ESCO2: variants seen among roughly 807,000 people sequenced by gnomAD.
The protein encoded by ESCO2 is N-acetyltransferase ESCO2.
Under a neutral mutation model 61.7 loss-of-function variants are expected in ESCO2, and 51 were observed. The observed-to-expected ratio is 0.83, with a 90% confidence interval of 0.66 to 1.04. The LOEUF (loss-of-function observed/expected upper bound fraction) is 1.04. Ranked by LOEUF, ESCO2 falls within the 50% of genes least tolerant of loss-of-function variation. ESCO2 has a pLI of 0.00. For missense variants in ESCO2, 692 were observed against 686.2 expected, an observed-to-expected ratio of 1.01 and a Z score of -0.09; for synonymous variants, 230 against 238.2, an observed-to-expected ratio of 0.97 and a Z score of 0.32.
downstream of ESCO2, among the ~76,000 whole-genome samples, chr8:27,813,912 T>C (rs1023559836): frequency 2.7e-5 from 4 of 149,998 alleles, no homozygotes; most frequent in African/African-American, 9.9e-5. Flanking sequence ...ATGATTTTTT[T>C]TTCTTATCAG....
downstream of ESCO2, chr8:27,805,454 T>G (rs1242346372): frequency 1.3e-5 from 2 of 152,270 alleles, no homozygotes; most frequent in African/African-American, 2.4e-5. Context: ...TATTTCTATT[T>G]TAAATATTTA....
In ESCO2 at chr8:27,780,180, T is replaced by A; in HGVS notation, c.868T>A (p.Ser290Thr). Residue 290 changes from serine to threonine, a missense_variant, in exon 4 of 11, where the codon TCA becomes ACA. By Grantham distance (58) the Ser-to-Thr change is moderately conservative. Transcript: ENST00000305188. ...TTTTTAAACCTATTTTCAGGATTCA[T>A]CAGATGACAGAGTTTCTTCAAAGGA... ...KNKEKLIKDS[S>T]DDRVSSKEHK... 1 of 1,599,300 alleles carries A rather than the reference T, an allele frequency of 6.3e-7. No homozygotes were observed. The highest frequency in any genetic ancestry group is 8.6e-7 in the Non-Finnish European group (1 of 1,168,062).
Position 27,776,444 on chromosome 8 carries a change from A to C in ESCO2, c.136A>C (p.Asn46His). ...TCAAAACAGTGATAAAAATGAAGAA[A>C]ACCTGCATTGCTCTCAACAAGAGCA... ...FYQNSDKNEE[N>H]LHCSQQEHFV... Residue 46 changes from asparagine to histidine, a missense_variant, in exon 3 of 11, where the codon AAC becomes CAC. Asn to His is a moderately conservative substitution (Grantham distance 68). Transcript: ENST00000305188. The C allele has an allele frequency of 6.2e-7, 1 of 1,607,828 alleles. No homozygotes were observed. The highest frequency in any genetic ancestry group is 8.5e-7 in the Non-Finnish European group (1 of 1,178,320).
chr8:27,793,408 AC>A (rs1805222551), intron 9 of ESCO2, among the ~76,000 whole-genome samples: 1 of 151,844 alleles, frequency 6.6e-6, no homozygotes, highest in Non-Finnish European at 1.5e-5. Flanking sequence ...ATATAGCTAT[AC>A]CTCACATACT....
At chr8:27,789,550 T>G (rs751048112) in intron 7 of ESCO2, among the ~76,000 whole-genome samples, 7 of 151,932 alleles carry the variant, frequency 4.6e-5, no homozygotes, top group Non-Finnish European at 1.0e-4. Context: ...GAGGCCGAGG[T>G]GGGTGGATCA....
chr8:27,802,649 A>G (rs1289648759), intron 10 of ESCO2, among the ~76,000 whole-genome samples: 2 of 73,100 alleles, frequency 2.7e-5, no homozygotes, highest in Non-Finnish European at 5.2e-5. Context: ...ATATATATAT[A>G]TATATATTAT....
chr8:27,805,865 T>G (rs1805553406), downstream of ESCO2, among the ~76,000 whole-genome samples: 1 of 152,096 alleles, frequency 6.6e-6, no homozygotes, highest in Non-Finnish European at 1.5e-5. Context: ...GCTCCTGAGC[T>G]GAAGTGATCC....
chr8:27,816,359 T>TATA (rs1563489324), downstream of ESCO2, among the ~76,000 whole-genome samples: 1,073 of 126,648 alleles, frequency 8.5e-3, 26 homozygotes, highest in African/African-American at 0.031. Context: ...ATATATATAT[T>TATA]TATTTATTTA....
At chr8:27,782,322 C>T (rs768070498) in intron 4 of ESCO2, among the ~76,000 whole-genome samples, 2 of 152,102 alleles carry the variant, frequency 1.3e-5, no homozygotes, top group Non-Finnish European at 2.9e-5. Flanking sequence ...AGTGCAATGG[C>T]GTAATCTCAG....
chr8:27,788,871 G>A lies in ESCO2; in HGVS notation c.1156G>A (p.Ala386Thr), dbSNP rs764463847. Residue 386 changes from alanine (A) to threonine (T), a missense_variant, in exon 7 of 11, where the codon GCT becomes ACT. By Grantham distance (58) the Ala-to-Thr change is moderately conservative. Transcript: ENST00000305188. ...GGACGCTGGTCAGAAACATTTTGGG[G>A]CTACTGTGTGCAAGTCTTGTGGTAT... Reference protein sequence around the residue: ...IIDAGQKHFGATVCKSCGMIY... With the variant: ...IIDAGQKHFGTTVCKSCGMIY... 3.1e-6 allele frequency: 5 copies of A among 1,614,064 alleles called. No homozygotes were observed. Among genetic ancestry groups the A allele is most frequent in the South Asian group, 2.2e-5 (2 of 91,072 alleles).
intron 9 of ESCO2, among the ~76,000 whole-genome samples, chr8:27,796,722 A>G (rs765759598): frequency 7.6e-4 from 115 of 152,312 alleles, no homozygotes; most frequent in Non-Finnish European, 1.3e-3. Context: ...TTATACTGCT[A>G]TGAATGTTCT....
rs750410554 is a variant in ESCO2, at chr8:27,776,661, C to T, written c.353C>T (p.Ser118Phe). 2 of 1,613,842 alleles carry T rather than the reference C, an allele frequency of 1.2e-6. No individual in the cohort carries two copies. The highest frequency in any genetic ancestry group is 4.5e-5 in the East Asian group (2 of 44,872). ...CTAAAAACTAATGATGAAGATAAAT[C>T]TTTTCCCATTGTGACAGAAAAAATG... ...TCLKTNDEDKSFPIVTEKMQG... is the reference protein window; with the variant it reads ...TCLKTNDEDKFFPIVTEKMQG... The change falls in exon 3 of 11, where the codon TCT (serine) becomes TTT (phenylalanine). Residue 118 changes from serine to phenylalanine, a missense_variant. Ser to Phe is a radical substitution (Grantham distance 155). Transcript: ENST00000305188.
At chr8:27,799,180 A>G (rs1408445777) in intron 9 of ESCO2, among the ~76,000 whole-genome samples, 1 of 152,222 alleles carries the variant, frequency 6.6e-6, no homozygotes, top group Non-Finnish European at 1.5e-5. Context: ...CATAGTTAAT[A>G]GATATAAATC....
intron 7 of ESCO2, 71 bp from the exon 8 acceptor site, chr8:27,791,892 C>G: frequency 2.3e-6 from 3 of 1,316,824 alleles, no homozygotes; most frequent in Non-Finnish European, 3.3e-6. Context: ...TTCTCCACAT[C>G]AAATTATTTA....
Position 27,799,577 on chromosome 8 carries a change from T to A in ESCO2, c.1534T>A (p.Ser512Thr), listed in dbSNP as rs1361026821. The change falls in exon 10 of 11, where the codon TCC becomes ACC. Residue 512 changes from serine to threonine, a missense_variant. By Grantham distance (58) the Ser-to-Thr change is moderately conservative. Coordinates refer to ENST00000305188, the MANE Select transcript of ESCO2 (RefSeq NM_001017420.3). ...CCTGTCTGAACCAATTGGTCCAGAA[T>A]CCCCAAGCTCTACGGAATGTCCTAG... Reference protein sequence around the residue: ...RVLSEPIGPESPSSTECPRAW... With the variant: ...RVLSEPIGPETPSSTECPRAW... 1 of 1,614,066 alleles carries A rather than the reference T, an allele frequency of 6.2e-7. No individual in the cohort carries two copies. Among genetic ancestry groups the A allele is most frequent in the Non-Finnish European group, 8.5e-7 (1 of 1,180,002 alleles).
At chr8:27,810,063 G>C (rs527530104), downstream of ESCO2, 15 of 464,514 alleles carry the variant, frequency 3.2e-5, no homozygotes, top group South Asian at 4.1e-4. Flanking sequence ...AAGTCAGCAT[G>C]AGCAGTATCA....
chr8:27,789,089 T>C (rs972616059), intron 7 of ESCO2, 111 bp downstream of exon 7: 16 of 1,344,384 alleles, frequency 1.2e-5, no homozygotes, highest in Non-Finnish European at 1.7e-5. Context: ...AATGATGATG[T>C]TTCAAGCTTA....
chr8:27,800,126 G>A (rs2128957794), intron 10 of ESCO2, among the ~76,000 whole-genome samples: 1 of 152,260 alleles, frequency 6.6e-6, no homozygotes, highest in South Asian at 2.1e-4. Flanking sequence ...TACAGAAGCT[G>A]TACATGGTCA....
intron 9 of ESCO2, among the ~76,000 whole-genome samples, chr8:27,793,720 C>CAG: frequency 6.6e-6 from 1 of 152,036 alleles, no homozygotes; most frequent in East Asian, 1.9e-4. Flanking sequence ...CTCCTGACCT[C>CAG]CTGATCCACC....
Sources: allele counts gnomAD v4.1 joint callset (sites outside exome capture counted in the v4.1 genomes callset), GRCh38; gene constraint gnomAD v4.1.1; transcripts MANE v1.5; gene names NCBI Gene and HGNC (gene_info 2026-07-23, HGNC 2026-07-21).